ERC1: variants seen among roughly 807,000 people sequenced by gnomAD.
ERC1 encodes the protein RAB6 interacting protein 2.
ERC1 carries 56 observed loss-of-function variants against 132.0 expected under a neutral mutation model. That is an observed-to-expected ratio of 0.42 (90% CI 0.34 to 0.53). The LOEUF (loss-of-function observed/expected upper bound fraction) is 0.53. Among genes scored for constraint, ERC1 ranks in the 20% least tolerant of loss-of-function variants. The pLI is 0.03. For synonymous variants in ERC1, 478 were observed against 476.1 expected, an observed-to-expected ratio of 1.00 and a Z score of -0.05; for missense variants, 1,202 against 1,349.9, an observed-to-expected ratio of 0.89 and a Z score of 1.72.
intron 12 of ERC1, among the ~76,000 whole-genome samples, chr12:1,196,838 C>CTCTGTATG (rs1555299914): frequency 2.0e-5 from 2 of 99,402 alleles, no homozygotes; most frequent in African/African-American, 9.1e-5. Flanking sequence ...CTCTGTCTGT[C>CTCTGTATG]TCTCTGTCTG....
In ERC1 at chr12:1,484,066, G is replaced by A. The variant is rs561264450; in HGVS notation, c.3214-6027G>A. Among the ~76,000 whole-genome samples, 400 of 99,484 alleles carry A rather than the reference G, an allele frequency of 4.0e-3. 3 individuals carry two copies. The highest frequency in any genetic ancestry group is 7.2e-3 in the Middle Eastern group (1 of 138). 65.3% of individuals were successfully genotyped at this position (99,484 alleles called of 152,430 possible). On this transcript the variant is annotated intron_variant, in intron 18 of 18. Transcript: ENST00000360905. Reference sequence around the variant, plus strand: ...CACGCCTGTAATCCCAGCACTTTGGGAGGCTGAGGCGGGCGGATCACGAGG... The same window carrying A: ...CACGCCTGTAATCCCAGCACTTTGGAAGGCTGAGGCGGGCGGATCACGAGG...
intron 16 of ERC1, among the ~76,000 whole-genome samples, chr12:1,404,547 C>T (rs1039371545): frequency 2.0e-5 from 3 of 152,174 alleles, no homozygotes; most frequent in African/African-American, 7.2e-5. Context: ...AGACACTGTC[C>T]TCTTTAGGAG....
chr12:1,158,532 C>T (rs765233221), intron 8 of ERC1, among the ~76,000 whole-genome samples: 8 of 151,590 alleles, frequency 5.3e-5, no homozygotes, highest in South Asian at 2.1e-4. Context: ...TGGGTTCAAG[C>T]GATTCTCCTG....
Position 1,115,972 on chromosome 12 carries a change from T to C in ERC1, c.1508T>C (p.Ile503Thr), listed in dbSNP as rs80260031. 7 of 1,614,112 alleles carry C rather than the reference T, an allele frequency of 4.3e-6. No individual in the cohort carries two copies. The highest frequency in any genetic ancestry group is 5.9e-6 in the Non-Finnish European group (7 of 1,179,982). ...CAGTTCTCAGATAGTAAACAGCACA[T>C]TGAAGTGTTGAAGGAGTCCTTGACT... ...TNQFSDSKQH[I>T]EVLKESLTAK... Residue 503 changes from isoleucine (I) to threonine (T), a missense_variant, in exon 7 of 19, where the codon ATT (isoleucine) becomes ACT (threonine). Physicochemically the swap from Ile to Thr is moderately conservative, Grantham distance 89 (BLOSUM62 -1). Transcript: ENST00000360905.
At chr12:1,326,512 A>G (rs1407003043) in intron 15 of ERC1, among the ~76,000 whole-genome samples, 1 of 152,208 alleles carries the variant, frequency 6.6e-6, no homozygotes, top group Non-Finnish European at 1.5e-5. Flanking sequence ...TTTTCCAGCT[A>G]TACCTTGTCC....
At chr12:1,371,196 C>A (rs893003963) in intron 15 of ERC1, among the ~76,000 whole-genome samples, 11 of 102,418 alleles carry the variant, frequency 1.1e-4, no homozygotes, top group Non-Finnish European at 2.2e-4. Context: ...TCCCCATTTC[C>A]CCCTCTCTCC....
intron 18 of ERC1, among the ~76,000 whole-genome samples, chr12:1,446,565 T>C (rs997960825): frequency 9.2e-5 from 14 of 152,204 alleles, no homozygotes; most frequent in African/African-American, 3.1e-4. Context: ...AAATATTGTT[T>C]GTTTACTCGT....
chr12:1,123,658 A>G (rs1947825509), intron 7 of ERC1, among the ~76,000 whole-genome samples: 1 of 152,234 alleles, frequency 6.6e-6, no homozygotes, highest in African/African-American at 2.4e-5. Flanking sequence ...GATCAAGAAA[A>G]TATAACCGTG....
At chr12:1,058,107 T>C (rs1252781742) in intron 2 of ERC1, among the ~76,000 whole-genome samples, 1 of 152,198 alleles carries the variant, frequency 6.6e-6, no homozygotes, top group African/African-American at 2.4e-5. Context: ...ATGCATAGTT[T>C]GCAGATGTTT....
At chr12:1,364,010 G>A (rs1014793163) in intron 15 of ERC1, among the ~76,000 whole-genome samples, 3 of 152,226 alleles carry the variant, frequency 2.0e-5, no homozygotes, top group Admixed American at 6.5e-5. Flanking sequence ...GGACCCCAGC[G>A]TGCACTGTTG....
chr12:1,234,489 T>G (rs1221130880), intron 12 of ERC1, among the ~76,000 whole-genome samples: 1 of 152,252 alleles, frequency 6.6e-6, no homozygotes, highest in Non-Finnish European at 1.5e-5. Flanking sequence ...CATGAAGTTT[T>G]TCCCAAACTG....
In ERC1 at chr12:1,281,869, T is replaced by C. The variant is rs560046244; in HGVS notation, c.2620-7983T>C. 3.9e-5 allele frequency among the ~76,000 whole-genome samples: 6 copies of C among 152,330 alleles called. No homozygotes were observed. In the South Asian group the frequency reaches 1.2e-3, roughly 32 times the overall value. On this transcript the variant is annotated intron_variant, in intron 14 of 18. Transcript: ENST00000360905. ...TGAAACACTGGCCCGTCTTAGCCTC[T>C]TTCTAACATCAGTGACGCAAGATAC...
At chr12:1,251,117 A>G (rs754711100) in intron 13 of ERC1, among the ~76,000 whole-genome samples, 5 of 151,840 alleles carry the variant, frequency 3.3e-5, no homozygotes, top group Non-Finnish European at 7.4e-5. Flanking sequence ...TTGATAAGAG[A>G]TTTTTTTTCC....
Position 1,334,337 on chromosome 12 carries a change from G to A in ERC1, c.2781-37496G>A, listed in dbSNP as rs528310743. Among the ~76,000 whole-genome samples the A allele has an allele frequency of 6.6e-5, 10 of 152,256 alleles. No homozygotes were observed. The South Asian group carries it at 2.1e-3, about 32-fold the overall frequency. ...CTGTGTCCTGATTGGTATTGACTAG[G>A]TTGTCTTCCAGGTTTTTTATAGTTT... is the stretch of plus-strand genomic sequence containing the variant. On this transcript the variant is annotated intron_variant, in intron 15 of 18. Coordinates refer to ENST00000360905, the MANE Select transcript of ERC1 (RefSeq NM_178040.4).
chr12:1,393,847 C>T (rs1484946654), intron 16 of ERC1, among the ~76,000 whole-genome samples: 1 of 147,992 alleles, frequency 6.8e-6, no homozygotes, highest in Non-Finnish European at 1.5e-5. Context: ...AACCCCGTCT[C>T]TACTAAAACG....
At chr12:1,077,663 G>A (rs1206663580) in intron 2 of ERC1, among the ~76,000 whole-genome samples, 2 of 152,032 alleles carry the variant, frequency 1.3e-5, no homozygotes, top group African/African-American at 2.4e-5. Flanking sequence ...GCAGTGTGTC[G>A]GGAACAGACT....
At chr12:1,348,070 A>G (rs774844561) in intron 15 of ERC1, among the ~76,000 whole-genome samples, 1 of 152,190 alleles carries the variant, frequency 6.6e-6, no homozygotes, top group Non-Finnish European at 1.5e-5. Context: ...GGTACATTTT[A>G]CAATGTGTTG....
intron 2 of ERC1, among the ~76,000 whole-genome samples, chr12:1,069,126 C>T (rs11831674): frequency 0.23 from 34,532 of 152,080 alleles, 4,338 homozygotes; most frequent in Middle Eastern, 0.28. Context: ...TGCTGTACCT[C>T]TATTCCTTAT....
At chr12:1,180,429 C>T (rs1302233152) in intron 8 of ERC1, 111 bp from the exon 9 acceptor site, 1 of 909,382 alleles carries the variant, frequency 1.1e-6, no homozygotes, top group South Asian at 1.7e-5. Context: ...ACAGAATGCA[C>T]ACACACAGAC....
Sources: allele counts gnomAD v4.1 joint callset (sites outside exome capture counted in the v4.1 genomes callset), GRCh38; gene constraint gnomAD v4.1.1; transcripts MANE v1.5; gene names NCBI Gene and HGNC (gene_info 2026-07-23, HGNC 2026-07-21).